MGST1: variants seen among roughly 807,000 people sequenced by gnomAD.
MGST1 encodes glutathione S-transferase 12.
A neutral mutation model predicts 8.9 loss-of-function variants in MGST1; 5 were observed. That is an observed-to-expected ratio of 0.56 (90% CI 0.29 to 1.19). MGST1 has a LOEUF of 1.19. Ranked by LOEUF, MGST1 falls within the 50% of genes most tolerant of loss-of-function variation. The probability of loss-of-function intolerance (pLI) is 0.08; values close to 1 mark genes in which losing one functional copy is unlikely to be tolerated. For synonymous variants in MGST1, 54 were observed against 67.8 expected (o/e 0.80, Z 1.00); for missense variants, 182 against 187.4 (o/e 0.97, Z 0.17).
chr12:16,394,021 C>T (rs1565446231), intron 1 of MGST1, among the ~76,000 whole-genome samples: 1 of 152,170 alleles, frequency 6.6e-6, no homozygotes, highest in African/African-American at 2.4e-5. Flanking sequence ...AAAATCTATT[C>T]TCTGGACTAT....
chr12:16,521,123 G>A (rs1337807226), intron 4 of MGST1, among the ~76,000 whole-genome samples: 1 of 152,048 alleles, frequency 6.6e-6, no homozygotes, highest in Non-Finnish European at 1.5e-5. Flanking sequence ...AGCTAGTTAT[G>A]GGCCACCTAC....
chr12:16,469,369 A>G (rs1454154816), intron 4 of MGST1, among the ~76,000 whole-genome samples: 1 of 151,822 alleles, frequency 6.6e-6, no homozygotes, highest in Non-Finnish European at 1.5e-5. Flanking sequence ...TTGTATTTTT[A>G]GTAGAGACAA....
At chr12:16,535,380 T>A (rs1941749596) in intron 4 of MGST1, among the ~76,000 whole-genome samples, 1 of 152,162 alleles carries the variant, frequency 6.6e-6, no homozygotes, top group South Asian at 2.1e-4. Flanking sequence ...CTGGGAAAGG[T>A]AATGATATTT....
intron 1 of MGST1, among the ~76,000 whole-genome samples, chr12:16,405,979 A>G (rs368216268): frequency 6.6e-6 from 1 of 152,188 alleles, no homozygotes; most frequent in African/African-American, 2.4e-5. Flanking sequence ...AGCTGAAACC[A>G]TTCCTCTTGA....
At chr12:16,463,782 T>C (rs1941236795) in intron 4 of MGST1, among the ~76,000 whole-genome samples, 1 of 152,208 alleles carries the variant, frequency 6.6e-6, no homozygotes, top group Non-Finnish European at 1.5e-5. Context: ...AGACATTCAC[T>C]AATAAGCCTG....
intron 4 of MGST1, among the ~76,000 whole-genome samples, chr12:16,474,281 A>G (rs1231398301): frequency 6.6e-6 from 1 of 152,244 alleles, no homozygotes; most frequent in Non-Finnish European, 1.5e-5. Context: ...AGAACATGTA[A>G]AAGTGTGTTT....
chr12:16,371,686 T>C (rs901658984), intron 3 of MGST1, among the ~76,000 whole-genome samples: 1 of 152,094 alleles, frequency 6.6e-6, no homozygotes, highest in African/African-American at 2.4e-5. Flanking sequence ...CAAAAAAAGG[T>C]ACTTCATCAT....
chr12:16,499,281 G>A (rs1355538021), intron 4 of MGST1, among the ~76,000 whole-genome samples: 4 of 152,152 alleles, frequency 2.6e-5, no homozygotes, highest in Non-Finnish European at 5.9e-5. Context: ...TAATCAAGCA[G>A]GATGAAGTGA....
intron 4 of MGST1, among the ~76,000 whole-genome samples, chr12:16,484,470 A>G (rs1049657887): frequency 6.6e-6 from 1 of 152,128 alleles, no homozygotes; most frequent in Non-Finnish European, 1.5e-5. Context: ...GCTGTAAATA[A>G]ATACCTGAAA....
intron 1 of MGST1, among the ~76,000 whole-genome samples, chr12:16,427,055 TA>T (rs750716583): frequency 6.6e-6 from 1 of 152,204 alleles, no homozygotes; most frequent in Non-Finnish European, 1.5e-5. Flanking sequence ...TATTGTGTGT[TA>T]AACATTGTGC....
intron 4 of MGST1, among the ~76,000 whole-genome samples, chr12:16,473,207 G>C (rs1405847220): frequency 6.6e-6 from 1 of 152,080 alleles, no homozygotes; most frequent in Non-Finnish European, 1.5e-5. Context: ...CCATCCCCAG[G>C]ATATTTGGCA....
intron 1 of MGST1, chr12:16,350,608 G>C (rs1250092858): frequency 6.6e-6 from 1 of 152,152 alleles, no homozygotes; most frequent in Non-Finnish European, 1.5e-5. Flanking sequence ...GCAGTTTTGT[G>C]CAGCAAACTC....
intron 1 of MGST1, chr12:16,400,253 T>C (rs1291655648): frequency 2.4e-6 from 2 of 835,732 alleles, no homozygotes; most frequent in Non-Finnish European, 4.2e-6. Flanking sequence ...ATGATGGCAT[T>C]CTTGAGGTGA....
Position 16,513,910 on chromosome 12 carries a change from C to T in MGST1, n.483-75618C>T, listed in dbSNP as rs764622217. 1.4e-5 allele frequency: 8 copies of T among 592,376 alleles called. No individual in the cohort carries two copies. The highest frequency in any genetic ancestry group is 2.9e-4 in the Middle Eastern group (1 of 3,480). The allele number at this position is 592,376 out of a possible 1,614,324, so 36.7% of individuals were successfully genotyped here. On this transcript the variant is annotated intron_variant and non_coding_transcript_variant, in intron 4 of 4. Transcript: ENST00000538857. The surrounding 1 kb of genome is among the most constrained non-coding windows in gnomAD (Gnocchi z 4.2). ...CTTCAGGGATACTGGCATGCAGCTACAAGGTTATCGATACTATGACCGCAA... is the reference window on the plus strand; with the variant it reads ...CTTCAGGGATACTGGCATGCAGCTATAAGGTTATCGATACTATGACCGCAA...
rs1939989293 is a variant in MGST1, at chr12:16,361,378, T to C, written c.222-2417T>C. 6.6e-6 allele frequency among the ~76,000 whole-genome samples: 1 copy of C among 152,072 alleles called. No homozygotes were observed. The highest frequency in any genetic ancestry group is 1.5e-5 in the Non-Finnish European group (1 of 68,010). On this transcript the variant is annotated intron_variant, in intron 3 of 3. Transcript: ENST00000396210. This position sits in a 1 kb window ranked among gnomAD's most constrained non-coding sequence, Gnocchi z 4.2. ...TGTGGCCTCAAGAGCACAGAGATGG[T>C]GGGAAGGTCCGTCACAGAGCAAATA...
intron 4 of MGST1, among the ~76,000 whole-genome samples, chr12:16,474,728 C>T (rs997066958): frequency 4.6e-5 from 7 of 152,080 alleles, no homozygotes; most frequent in Non-Finnish European, 7.3e-5. Flanking sequence ...CATTTTTGAA[C>T]GAGAGCAATA....
At chr12:16,436,765 A>T (rs1940991201) in intron 1 of MGST1, among the ~76,000 whole-genome samples, 1 of 152,060 alleles carries the variant, frequency 6.6e-6, no homozygotes, top group African/African-American at 2.4e-5. Context: ...GGCATAAAAA[A>T]GTTAACTACC....
At chr12:16,515,789 T>G (rs190891915) in intron 4 of MGST1, among the ~76,000 whole-genome samples, 271 of 152,326 alleles carry the variant, frequency 1.8e-3, no homozygotes, top group African/African-American at 6.2e-3. Context: ...GTTGGGATGT[T>G]GTCTCTGACC....
chr12:16,399,354 CTG>C (rs547088390), intron 1 of MGST1: 7 of 1,552,794 alleles, frequency 4.5e-6, no homozygotes, highest in South Asian at 1.1e-5. Flanking sequence ...ATGGCCCAAA[CTG>C]TGCACAGATG....
Sources: allele counts gnomAD v4.1 joint callset (sites outside exome capture counted in the v4.1 genomes callset), GRCh38; gene constraint gnomAD v4.1.1; non-coding constraint Gnocchi (gnomAD v3.1); transcripts MANE v1.5; gene names NCBI Gene and HGNC (gene_info 2026-07-23, HGNC 2026-07-21).